Variants in BAZ2A observed in about 807,000 individuals in gnomAD.
The protein encoded by BAZ2A is bromodomain adjacent to zinc finger domain 2A.
A neutral mutation model predicts 199.9 loss-of-function variants in BAZ2A; 34 were observed. That is an observed-to-expected ratio of 0.17 (90% CI 0.13 to 0.23). The LOEUF is 0.23. Ranked by LOEUF, BAZ2A falls within the 10% of genes least tolerant of loss-of-function variation. BAZ2A has a pLI of 1.00. For synonymous variants in BAZ2A, 857 were observed against 883.9 expected (o/e 0.97, Z 0.54); for missense variants, 2,002 against 2,391.1 (o/e 0.84, Z 3.39).
At chr12:56,625,348 G>A (rs1355166309) in intron 1 of BAZ2A, among the ~76,000 whole-genome samples, 5 of 151,536 alleles carry the variant, frequency 3.3e-5, no homozygotes, top group Non-Finnish European at 7.4e-5. Flanking sequence ...TAGAGACAGG[G>A]TTTCACCATG....
chr12:56,600,533 A>C (rs564268872), intron 23 of BAZ2A, 43 bp from the exon 24 acceptor site: 1 of 1,584,632 alleles, frequency 6.3e-7, no homozygotes, highest in South Asian at 1.1e-5. Flanking sequence ...TAAAAGGAGG[A>C]AAATTTGGCA....
intron 21 of BAZ2A, 28 bp downstream of exon 21, chr12:56,601,152 C>T (rs757280137): frequency 3.1e-6 from 5 of 1,613,808 alleles, no homozygotes; most frequent in East Asian, 2.2e-5. Flanking sequence ...CTGCCCACAC[C>T]GGATGCCCTC....
At position 56,615,524 on chromosome 12, in the gene BAZ2A, A is replaced by G. The variant is rs746326717; in HGVS notation, c.220T>C (p.Ser74Pro). 2.5e-6 allele frequency: 4 copies of G among 1,613,372 alleles called. No individual in the cohort carries two copies. The Admixed American group carries it at 6.7e-5, about 27-fold the overall frequency. Residue 74 changes from serine (S) to proline (P), a missense_variant, in exon 3 of 29, where the codon TCC (serine) becomes CCC (proline). Ser to Pro is a moderately conservative substitution (Grantham distance 74, BLOSUM62 -1). Transcript: ENST00000549884. ...TSGILNSAPH[S>P]SSTSHLHHPS... ...TGATGGAGGTGTGAGGTGCTGGAGGAGTGGGGAGCAGAGTTCAAAATCCCT... is the reference window on the plus strand; with the variant it reads ...TGATGGAGGTGTGAGGTGCTGGAGGGGTGGGGAGCAGAGTTCAAAATCCCT...
chr12:56,603,046 G>C (rs1950231660), intron 18 of BAZ2A, among the ~76,000 whole-genome samples, 189 bp from the exon 19 acceptor site: 1 of 152,220 alleles, frequency 6.6e-6, no homozygotes, highest in Non-Finnish European at 1.5e-5. Context: ...CACTTTGGGA[G>C]GCCAAGGCAG....
At chr12:56,634,705 C>T (rs2137506198), upstream of BAZ2A, among the ~76,000 whole-genome samples, 1 of 151,998 alleles carries the variant, frequency 6.6e-6, no homozygotes, top group Admixed American at 6.5e-5. Context: ...AGATCCTGGG[C>T]CCAGAATAGG....
At chr12:56,602,569 G>A (rs992130965) in intron 19 of BAZ2A, 144 bp downstream of exon 19, 1 of 1,124,284 alleles carries the variant, frequency 8.9e-7, no homozygotes, top group Non-Finnish European at 1.2e-6. Flanking sequence ...CAGGTGGGTA[G>A]GCAGCTTTAC....
At chr12:56,605,767 T>G in intron 13 of BAZ2A, 63 bp downstream of exon 13, 5 of 1,142,912 alleles carry the variant, frequency 4.4e-6, no homozygotes, top group Non-Finnish European at 5.9e-6. Flanking sequence ...CAGAAGTCCT[T>G]TTTTTTTTTT....
intron 1 of BAZ2A, among the ~76,000 whole-genome samples, chr12:56,620,388 C>T (rs1034353621): frequency 2.0e-5 from 3 of 152,000 alleles, no homozygotes; most frequent in African/African-American, 7.2e-5. Context: ...GCAGTCCCAG[C>T]CACTTGGGAG....
At position 56,601,550 on chromosome 12, in the gene BAZ2A, T is replaced by C; in HGVS notation, c.4067A>G (p.Lys1356Arg). The change falls in exon 20 of 29, where the codon AAG (lysine) becomes AGG (arginine). Residue 1356 changes from lysine to arginine, a missense_variant. By Grantham distance (26) the Lys-to-Arg change is conservative. Around this residue, in one of 6 missense-constraint regions of BAZ2A, gnomAD observed 1,081 missense variants for 1,274.7 expected, o/e 0.85. Coordinates refer to ENST00000549884, the MANE Select transcript of BAZ2A (RefSeq NM_001300905.2). Reference sequence around the variant, plus strand: ...CTACTAATTCTGGCTACTTACTGGCTTGGAGGAGGCAAGCTGCTGAGGGGA... The same window carrying C: ...CTACTAATTCTGGCTACTTACTGGCCTGGAGGAGGCAAGCTGCTGAGGGGA... ...TPSPQQLASSKPMNRPSAANP... is the reference protein window; with the variant it reads ...TPSPQQLASSRPMNRPSAANP... 1 of 1,612,368 alleles carries C rather than the reference T, an allele frequency of 6.2e-7. No individual in the cohort carries two copies. Among genetic ancestry groups the C allele is most frequent in the South Asian group, 1.1e-5 (1 of 91,044 alleles).
chr12:56,616,678 A>G (rs1265854699), intron 2 of BAZ2A, among the ~76,000 whole-genome samples: 1 of 152,138 alleles, frequency 6.6e-6, no homozygotes. Context: ...ACCATCTGCA[A>G]CCCTCTTCGA....
chr12:56,623,465 T>C (rs1950986423), intron 1 of BAZ2A, among the ~76,000 whole-genome samples: 1 of 152,088 alleles, frequency 6.6e-6, no homozygotes, highest in South Asian at 2.1e-4. Context: ...CAAATGGGGT[T>C]GGGGGGTGAG....
chr12:56,622,717 G>C (rs143493880), intron 1 of BAZ2A, among the ~76,000 whole-genome samples: 3 of 152,280 alleles, frequency 2.0e-5, no homozygotes, highest in African/African-American at 7.2e-5. Flanking sequence ...CCCTAGAGTA[G>C]CAGATGACTC....
At chr12:56,631,402 G>C (rs1951307355), upstream of BAZ2A, among the ~76,000 whole-genome samples, 1 of 146,264 alleles carries the variant, frequency 6.8e-6, no homozygotes, top group Non-Finnish European at 1.5e-5. Context: ...AGTGAACTGA[G>C]ATCGCGCCAT....
intron 1 of BAZ2A, among the ~76,000 whole-genome samples, chr12:56,620,171 A>AAG (rs1950869257): frequency 1.3e-5 from 2 of 152,128 alleles, no homozygotes; most frequent in African/African-American, 4.8e-5. Context: ...GCTTTAAAAA[A>AAG]AAAAAAAAAA....
chr12:56,635,202 G>A (rs1951419790), upstream of BAZ2A, among the ~76,000 whole-genome samples: 1 of 152,102 alleles, frequency 6.6e-6, no homozygotes, highest in African/African-American at 2.4e-5. This position sits in a 1 kb window ranked among gnomAD's most constrained non-coding sequence, Gnocchi z 4.1. Context: ...GGGAGGAAGA[G>A]AACGGATCCC....
At chr12:56,609,121 G>A (rs1014066967) in intron 10 of BAZ2A, among the ~76,000 whole-genome samples, 4 of 151,870 alleles carry the variant, frequency 2.6e-5, no homozygotes, top group Admixed American at 6.6e-5. Context: ...CTCACGATCC[G>A]CCCGCCTTGG....
chr12:56,617,124 G>T (rs944813228), intron 2 of BAZ2A, among the ~76,000 whole-genome samples: 4 of 152,102 alleles, frequency 2.6e-5, no homozygotes, highest in Non-Finnish European at 4.4e-5. Context: ...TCTCTCATGG[G>T]TTATCAGCAG....
At chr12:56,621,766 G>A (rs902941882) in intron 1 of BAZ2A, among the ~76,000 whole-genome samples, 1 of 151,288 alleles carries the variant, frequency 6.6e-6, no homozygotes, top group Non-Finnish European at 1.5e-5. Flanking sequence ...ATAGCTCACT[G>A]CAGCCTGGAA....
rs1335253977 is a variant in BAZ2A at position 56,596,302 on chromosome 12, A to C, written c.*2316T>G. On this transcript the variant is annotated 3_prime_UTR_variant, in exon 29 of 29. Coordinates refer to ENST00000549884, the MANE Select transcript of BAZ2A (RefSeq NM_001300905.2). ...TTATTTTAAACCTGCTTTCCCTACC[A>C]AATACTCTTGTCATGAAGAGAAAAT... is the stretch of plus-strand genomic sequence containing the variant. 3 of 152,730 alleles carry C rather than the reference A, an allele frequency of 2.0e-5. No homozygotes were observed. The highest frequency in any genetic ancestry group is 4.4e-5 in the Non-Finnish European group (3 of 68,068). The allele number at this position is 152,730 out of a possible 1,614,324, so 9.5% of individuals were successfully genotyped here.
Sources: gnomAD v4.1 joint callset for allele counts (sites outside exome capture counted in the v4.1 genomes callset) on GRCh38, gnomAD v4.1.1 for gene constraint, gnomAD v4.1.1 regional missense constraint, Gnocchi (gnomAD v3.1) non-coding constraint, MANE v1.5 for transcripts, NCBI Gene and HGNC (gene_info 2026-07-23, HGNC 2026-07-21) for gene names.